Variants in CFAP299 observed in about 807,000 individuals in gnomAD.
The protein encoded by CFAP299 is cilia- and flagella-associated protein 299.
CFAP299 carries 21 observed loss-of-function variants against 27.0 expected under a neutral mutation model. That is an observed-to-expected ratio of 0.78 (90% CI 0.55 to 1.12). The LOEUF is 1.12. Ranked by LOEUF, CFAP299 falls within the 50% of genes most tolerant of loss-of-function variation. The pLI, the probability that CFAP299 is intolerant of heterozygous loss-of-function variation, is 0.00. For missense variants in CFAP299, 310 were observed against 276.6 expected (o/e 1.12, Z -0.86); for synonymous variants, 104 against 98.1 (o/e 1.06, Z -0.36).
intron 2 of CFAP299, among the ~76,000 whole-genome samples, chr4:80,479,844 C>T (rs563583918): frequency 6.6e-6 from 1 of 151,838 alleles, no homozygotes; most frequent in Non-Finnish European, 1.5e-5. Flanking sequence ...TATATTGGTC[C>T]TGAATTAAGT....
the CFAP299 span, among the ~76,000 whole-genome samples, chr4:80,330,171 A>T: frequency 2.6e-5 from 4 of 151,952 alleles, no homozygotes; most frequent in Non-Finnish European, 4.4e-5. Context: ...TCTTTCCCCA[A>T]AGCTTTCTTA....
intron 2 of CFAP299, among the ~76,000 whole-genome samples, chr4:80,505,068 C>A (rs1208730819): frequency 6.7e-6 from 1 of 148,902 alleles, no homozygotes; most frequent in Non-Finnish European, 1.5e-5. Context: ...TGGTATATAT[C>A]TATATATGAC....
chr4:80,440,292 A>C (rs1728295908), intron 2 of CFAP299, among the ~76,000 whole-genome samples: 3 of 150,618 alleles, frequency 2.0e-5, no homozygotes, highest in Admixed American at 6.7e-5. Flanking sequence ...CAGACACCTC[A>C]TACAGGAGAG....
At chr4:80,431,168 C>T (rs1401590676) in intron 2 of CFAP299, among the ~76,000 whole-genome samples, 1 of 152,180 alleles carries the variant, frequency 6.6e-6, no homozygotes, top group Non-Finnish European at 1.5e-5. Flanking sequence ...TACCTCCTTC[C>T]TCTACTAGAA....
chr4:80,698,864 A>G (rs1721282547), intron 3 of CFAP299, among the ~76,000 whole-genome samples: 1 of 152,112 alleles, frequency 6.6e-6, no homozygotes. Context: ...CAGCATGGGG[A>G]AAACCACCCC....
At chr4:80,652,435 T>A (rs1341030932) in intron 3 of CFAP299, among the ~76,000 whole-genome samples, 1 of 152,068 alleles carries the variant, frequency 6.6e-6, no homozygotes, top group Non-Finnish European at 1.5e-5. Flanking sequence ...GCGGGTGTAA[T>A]CAGGGAGTGT....
chr4:80,588,870 T>G (rs1396923872), intron 3 of CFAP299, among the ~76,000 whole-genome samples: 1 of 152,202 alleles, frequency 6.6e-6, no homozygotes, highest in African/African-American at 2.4e-5. Flanking sequence ...ATATATGAAA[T>G]AGGCATTATT....
At chr4:80,330,259 C>G in the CFAP299 span, among the ~76,000 whole-genome samples, 3 of 152,110 alleles carry the variant, frequency 2.0e-5, no homozygotes, top group Admixed American at 2.0e-4. Flanking sequence ...GTCTTCCTAC[C>G]TCCCCTCCAG....
chr4:80,916,217 G>A (rs969341742), intron 4 of CFAP299, among the ~76,000 whole-genome samples: 5 of 135,752 alleles, frequency 3.7e-5, no homozygotes, highest in African/African-American at 1.4e-4. Flanking sequence ...AGCCAAGATT[G>A]TACCATTGCA....
chr4:80,326,146 C>T, the CFAP299 span, among the ~76,000 whole-genome samples: 1 of 152,034 alleles, frequency 6.6e-6, no homozygotes, highest in African/African-American at 2.4e-5. Flanking sequence ...CCATATCTTC[C>T]ATCTGTAAGG....
At chr4:80,723,750 T>C (rs549237091) in intron 3 of CFAP299, among the ~76,000 whole-genome samples, 1 of 151,874 alleles carries the variant, frequency 6.6e-6, no homozygotes, top group Non-Finnish European at 1.5e-5. Flanking sequence ...TGCTAAATTA[T>C]AAAAATAAAA....
intron 3 of CFAP299, among the ~76,000 whole-genome samples, chr4:80,680,657 T>A (rs1178670890): frequency 1.3e-5 from 2 of 152,162 alleles, no homozygotes; most frequent in Non-Finnish European, 2.9e-5. Flanking sequence ...ATGTTCCACA[T>A]GGGATTTTTA....
intron 3 of CFAP299, among the ~76,000 whole-genome samples, chr4:80,791,367 G>A (rs1727559141): frequency 6.6e-6 from 1 of 152,050 alleles, no homozygotes; most frequent in African/African-American, 2.4e-5. Flanking sequence ...TCTCAATCAA[G>A]AGGTATTATT....
intron 2 of CFAP299, among the ~76,000 whole-genome samples, chr4:80,530,871 A>G (rs55940038): frequency 0.33 from 49,998 of 152,028 alleles, 10,105 homozygotes; most frequent in African/African-American, 0.57. Context: ...GAGTCCTAGC[A>G]TGGATAAGCA....
At chr4:80,953,631 A>G (rs1431910443) in intron 5 of CFAP299, among the ~76,000 whole-genome samples, 2 of 152,292 alleles carry the variant, frequency 1.3e-5, no homozygotes, top group South Asian at 2.1e-4. Context: ...TGCAGTATTT[A>G]AGGAACAACC....
chr4:80,567,649 CAAAGG>C (rs962838851), intron 2 of CFAP299, among the ~76,000 whole-genome samples: 3 of 151,870 alleles, frequency 2.0e-5, no homozygotes, highest in Non-Finnish European at 4.4e-5. Flanking sequence ...AATTGATGCT[CAAAGG>C]AAAGGAGCTG....
chr4:80,628,608 A>G (rs1338117483), intron 3 of CFAP299, among the ~76,000 whole-genome samples: 1 of 152,150 alleles, frequency 6.6e-6, no homozygotes, highest in African/African-American at 2.4e-5. Flanking sequence ...TTTCCAAAAT[A>G]CGTAAGAAAT....
chr4:80,381,225 C>CA (rs1724682204), intron 2 of CFAP299, among the ~76,000 whole-genome samples: 1 of 152,076 alleles, frequency 6.6e-6, no homozygotes, highest in African/African-American at 2.4e-5. Flanking sequence ...TTTCCCATGC[C>CA]AAAATGCCAT....
chr4:80,744,182 A>G (rs1342125077), intron 3 of CFAP299, among the ~76,000 whole-genome samples: 1 of 152,210 alleles, frequency 6.6e-6, no homozygotes, highest in Non-Finnish European at 1.5e-5. Context: ...CAGTTTCTTC[A>G]TAATAGAAAC....
Sources: gnomAD v4.1 joint callset for allele counts (sites outside exome capture counted in the v4.1 genomes callset) on GRCh38, gnomAD v4.1.1 for gene constraint, MANE v1.5 for transcripts, NCBI Gene and HGNC (gene_info 2026-07-23, HGNC 2026-07-21) for gene names.